The following FGF14 variants were observed in gnomAD, a reference collection of about 807,000 sequenced individuals.
FGF14 encodes fibroblast growth factor homologous factor 4.
In FGF14, 5 loss-of-function variants were observed where a neutral mutation model predicts 25.5. The ratio of observed to expected loss-of-function variants is 0.20; its 90% CI spans 0.10 to 0.41. The LOEUF (loss-of-function observed/expected upper bound fraction) is 0.41, where lower values mean the gene tolerates loss of function less well. Ranked by LOEUF, FGF14 falls within the 10% of genes least tolerant of loss-of-function variation. The probability of loss-of-function intolerance (pLI) is 1.00; values close to 1 mark genes in which losing one functional copy is unlikely to be tolerated. For missense variants in FGF14, 222 were observed against 320.1 expected, an observed-to-expected ratio of 0.69 and a Z score of 2.34; for synonymous variants, 138 against 118.3, an observed-to-expected ratio of 1.17 and a Z score of -1.08.
chr13:101,968,799 C>T (rs1376462566), intron 1 of FGF14, among the ~76,000 whole-genome samples: 1 of 150,904 alleles, frequency 6.6e-6, no homozygotes, highest in African/African-American at 2.4e-5. Context: ...TGTTCCCCCA[C>T]AACTCTTTTA....
intron 3 of FGF14, among the ~76,000 whole-genome samples, chr13:101,779,710 A>G (rs747510838): frequency 6.6e-6 from 1 of 152,164 alleles, no homozygotes; most frequent in African/African-American, 2.4e-5. Flanking sequence ...ACTGAACACT[A>G]TCATTATTAT....
chr13:102,267,932 G>A (rs1250888929), intron 1 of FGF14, among the ~76,000 whole-genome samples: 1 of 151,776 alleles, frequency 6.6e-6, no homozygotes, highest in Admixed American at 6.6e-5. Context: ...GTGAGCTGAT[G>A]TTTTTCATGC....
At chr13:102,306,309 G>A (rs562525503) in intron 1 of FGF14, among the ~76,000 whole-genome samples, 32 of 152,312 alleles carry the variant, frequency 2.1e-4, no homozygotes, top group Non-Finnish European at 4.4e-5. Context: ...AAGATGAAGA[G>A]CCATTCCTGG....
At chr13:102,263,537 C>A (rs960002597) in intron 1 of FGF14, among the ~76,000 whole-genome samples, 1 of 152,134 alleles carries the variant, frequency 6.6e-6, no homozygotes, top group African/African-American at 2.4e-5. Context: ...CCAATATTCT[C>A]ATTTTATGCC....
Position 102,141,117 on chromosome 13 carries a change from AC to A in FGF14, c.208+260353del, listed in dbSNP as rs1321243441. 2.0e-5 allele frequency among the ~76,000 whole-genome samples: 3 copies of A among 152,130 alleles called. No individual in the cohort carries two copies. The East Asian group carries it at 5.8e-4, about 29-fold the overall frequency. ...GGCTTCCTCTACTAGAAATAGACCT[AC>A]TCTCTTTATCAGCACTAGTTTCAGA... On this transcript the variant is annotated intron_variant, in intron 1 of 4. Transcript: ENST00000376131.
chr13:102,378,635 A>C (rs56107696), intron 1 of FGF14, among the ~76,000 whole-genome samples: 3,833 of 119,480 alleles, frequency 0.032, 123 homozygotes, highest in African/African-American at 0.086. Flanking sequence ...ATCTATCTAT[A>C]TATATATATA....
At chr13:101,801,869 A>T (rs1325027654) in intron 3 of FGF14, 1 of 345,036 alleles carries the variant, frequency 2.9e-6, no homozygotes, top group Non-Finnish European at 5.7e-6. Flanking sequence ...GCAAAACAGT[A>T]CAGTCAGGAT....
At chr13:101,808,931 C>T (rs2041348161) in intron 3 of FGF14, among the ~76,000 whole-genome samples, 1 of 151,908 alleles carries the variant, frequency 6.6e-6, no homozygotes, top group Non-Finnish European at 1.5e-5. Flanking sequence ...AATATAAGTC[C>T]TCGTGTGCAG....
intron 1 of FGF14, among the ~76,000 whole-genome samples, chr13:102,395,913 A>G (rs1282608985): frequency 6.6e-6 from 1 of 152,176 alleles, no homozygotes; most frequent in Non-Finnish European, 1.5e-5. Context: ...CCTTCTCTTC[A>G]TCATCCTACC....
At chr13:102,332,020 C>T (rs2056648118) in intron 1 of FGF14, among the ~76,000 whole-genome samples, 1 of 152,102 alleles carries the variant, frequency 6.6e-6, no homozygotes, top group African/African-American at 2.4e-5. Flanking sequence ...GGTATGATGA[C>T]CTGAATTCTG....
At chr13:102,028,265 G>C (rs1166919103) in intron 1 of FGF14, among the ~76,000 whole-genome samples, 5 of 152,010 alleles carry the variant, frequency 3.3e-5, no homozygotes, top group Non-Finnish European at 7.4e-5. Context: ...GGTACCTTTG[G>C]GAGGTGATTA....
chr13:102,048,109 C>T (rs886783803), intron 1 of FGF14, among the ~76,000 whole-genome samples: 3 of 151,776 alleles, frequency 2.0e-5, no homozygotes, highest in Non-Finnish European at 2.9e-5. Context: ...TTCCATGAAA[C>T]GACTTGCTCC....
intron 1 of FGF14, among the ~76,000 whole-genome samples, chr13:102,279,056 T>C (rs2053695408): frequency 6.6e-6 from 1 of 152,220 alleles, no homozygotes; most frequent in Non-Finnish European, 1.5e-5. Context: ...TTTATGACTA[T>C]GAAAGTACTG....
At chr13:102,029,263 C>T (rs1031178192) in intron 1 of FGF14, among the ~76,000 whole-genome samples, 2 of 152,024 alleles carry the variant, frequency 1.3e-5, no homozygotes, top group African/African-American at 4.8e-5. Context: ...TAATTTACTG[C>T]TGCTAAATGT....
intron 1 of FGF14, among the ~76,000 whole-genome samples, chr13:101,892,575 C>A (rs1365335104): frequency 6.6e-6 from 1 of 152,120 alleles, no homozygotes; most frequent in Non-Finnish European, 1.5e-5. Context: ...TGTTATATGG[C>A]TAAAGGGAAA....
chr13:102,055,994 C>T (rs773790872), intron 1 of FGF14, among the ~76,000 whole-genome samples: 13 of 152,274 alleles, frequency 8.5e-5, no homozygotes, highest in Non-Finnish European at 1.8e-4. Context: ...TTCACTACCA[C>T]GAGAACAGTA....
chr13:101,860,409 T>C (rs1304679282), intron 3 of FGF14, among the ~76,000 whole-genome samples: 2 of 152,022 alleles, frequency 1.3e-5, no homozygotes, highest in African/African-American at 2.4e-5. Flanking sequence ...TTCTGCTTAC[T>C]CCTAGTTCAA....
rs536995136 is a variant in FGF14, at chr13:102,074,130, G to T, written c.209-198834C>A. Among the ~76,000 whole-genome samples the T allele has an allele frequency of 2.0e-5, 3 of 152,200 alleles. No homozygotes were observed. The East Asian group carries it at 5.8e-4, about 29-fold the overall frequency. ...GGGCTTGAGCATTCCTAACACCTCA[G>T]CCTCCAAGTAGGTGGGACTACAAGT... On this transcript the variant is annotated intron_variant, in intron 1 of 4. Coordinates refer to the FGF14 transcript ENST00000376131.
intron 1 of FGF14, chr13:102,002,319 T>G (rs1312355444): frequency 6.6e-6 from 1 of 152,236 alleles, no homozygotes; most frequent in African/African-American, 2.4e-5. Flanking sequence ...ACAAGCCAGT[T>G]TTTTCCTTTT....
Sources: gnomAD v4.1 joint callset for allele counts (sites outside exome capture counted in the v4.1 genomes callset) on GRCh38, gnomAD v4.1.1 for gene constraint, MANE v1.5 for transcripts, NCBI Gene and HGNC (gene_info 2026-07-23, HGNC 2026-07-21) for gene names.